Variants in ROBO2 observed in about 807,000 individuals in gnomAD.
ROBO2 encodes the protein roundabout guidance receptor 2, also known as roundabout homolog 2.
In ROBO2, 53 loss-of-function variants were observed where a neutral mutation model predicts 160.8. The ratio of observed to expected loss-of-function variants is 0.33; its 90% confidence interval spans 0.26 to 0.41. The LOEUF (loss-of-function observed/expected upper bound fraction) is 0.41, where lower values mean the gene tolerates loss of function less well. ROBO2 is among the 10% of genes least tolerant of loss of function. The probability of loss-of-function intolerance (pLI) is 1.00; values close to 1 mark genes in which losing one functional copy is unlikely to be tolerated. For synonymous variants in ROBO2, 664 were observed against 611.7 expected (o/e 1.09, Z -1.26); for missense variants, 1,577 against 1,722.4 (o/e 0.92, Z 1.49).
At chr3:76,573,523 AT>A (rs145929489) in intron 2 of ROBO2, among the ~76,000 whole-genome samples, 7,202 of 136,624 alleles carry the variant, frequency 0.053, 172 homozygotes, top group African/African-American at 0.072. Flanking sequence ...ATAGTTTTCA[AT>A]TTTTTTTTTT....
At chr3:76,861,189 T>C (rs570130026) in intron 2 of ROBO2, among the ~76,000 whole-genome samples, 26 of 152,264 alleles carry the variant, frequency 1.7e-4, no homozygotes, top group African/African-American at 6.0e-4. Context: ...CTTGAGGAAG[T>C]TGAGTATAAG....
chr3:76,213,665 A>G (rs946476547), intron 2 of ROBO2, among the ~76,000 whole-genome samples: 2 of 152,192 alleles, frequency 1.3e-5, no homozygotes, highest in Non-Finnish European at 2.9e-5. Flanking sequence ...AGCACATGGA[A>G]AAACAATGCA....
chr3:76,644,835 A>G (rs1232762506), intron 2 of ROBO2, among the ~76,000 whole-genome samples: 1 of 152,202 alleles, frequency 6.6e-6, no homozygotes, highest in Non-Finnish European at 1.5e-5. Flanking sequence ...AAAAGCTTAC[A>G]TTAATTGTAT....
intron 2 of ROBO2, among the ~76,000 whole-genome samples, chr3:76,086,746 A>C (rs1440278647): frequency 6.6e-6 from 1 of 152,188 alleles, no homozygotes; most frequent in Non-Finnish European, 1.5e-5. Context: ...TTAGACAAGA[A>C]ATTTTTTATT....
intron 4 of ROBO2, among the ~76,000 whole-genome samples, chr3:77,485,186 G>T (rs1256773689): frequency 6.6e-6 from 1 of 151,896 alleles, no homozygotes; most frequent in African/African-American, 2.4e-5. Flanking sequence ...TTTCAGAAGG[G>T]GTTCTCAACT....
intron 2 of ROBO2, among the ~76,000 whole-genome samples, chr3:76,177,764 C>T (rs2107070000): frequency 1.3e-5 from 2 of 152,206 alleles, no homozygotes; most frequent in East Asian, 3.9e-4. Context: ...TATTGTCGGA[C>T]ACTGACAGAG....
chr3:77,517,355 A>G (rs1196142931), intron 5 of ROBO2, among the ~76,000 whole-genome samples: 1 of 151,526 alleles, frequency 6.6e-6, no homozygotes, highest in African/African-American at 2.4e-5. Context: ...CTTACATTGA[A>G]CAAGTAGAAG....
At chr3:77,414,625 A>G (rs2077064411) in intron 2 of ROBO2, among the ~76,000 whole-genome samples, 1 of 152,214 alleles carries the variant, frequency 6.6e-6, no homozygotes, top group African/African-American at 2.4e-5. Context: ...AGTGACTGTA[A>G]TGTAGGCACA....
chr3:76,185,197 T>TAG (rs1701690470), intron 2 of ROBO2, among the ~76,000 whole-genome samples: 2 of 81,768 alleles, frequency 2.4e-5, no homozygotes, highest in African/African-American at 7.6e-5. Context: ...TAAACACAGA[T>TAG]ATATATATAT....
At chr3:76,811,856 TC>T (rs2065214081) in intron 2 of ROBO2, among the ~76,000 whole-genome samples, 5 of 138,992 alleles carry the variant, frequency 3.6e-5, no homozygotes, top group Non-Finnish European at 7.7e-5. Flanking sequence ...CTTCCTTCCT[TC>T]CTTCCTTCCT....
intron 2 of ROBO2, among the ~76,000 whole-genome samples, chr3:76,958,435 G>A (rs145618320): frequency 6.6e-6 from 1 of 152,332 alleles, no homozygotes; most frequent in African/African-American, 2.4e-5. Flanking sequence ...TGCACTGAAT[G>A]TACACATTTA....
At chr3:76,239,331 C>T (rs1274290913) in intron 2 of ROBO2, among the ~76,000 whole-genome samples, 1 of 148,770 alleles carries the variant, frequency 6.7e-6, no homozygotes, top group East Asian at 2.0e-4. Flanking sequence ...ATATAATATG[C>T]ATGTTTATGT....
In ROBO2 at chr3:77,180,313, A is replaced by G. The variant is rs181636244; in HGVS notation, c.388+81973A>G. Among the ~76,000 whole-genome samples the G allele has an allele frequency of 1.6e-4, 24 of 151,536 alleles. No individual in the cohort carries two copies. In the East Asian group the frequency reaches 2.5e-3, roughly 16 times the overall value. ...AAAAGTTTAACAACAACAAAAAATC[A>G]GTTTAGAACAAATGTTTTAACTGAT... On this transcript the variant is annotated intron_variant, in intron 2 of 25. Coordinates refer to ENST00000461745, the Ensembl canonical transcript of ROBO2.
chr3:77,481,810 T>C (rs1279091043), intron 4 of ROBO2, among the ~76,000 whole-genome samples: 1 of 152,120 alleles, frequency 6.6e-6, no homozygotes, highest in Non-Finnish European at 1.5e-5. Context: ...ATTAATAGGT[T>C]AAAAACTGAC....
chr3:76,899,963 T>A (rs1025390010), intron 2 of ROBO2, among the ~76,000 whole-genome samples: 13 of 152,148 alleles, frequency 8.5e-5, no homozygotes, highest in African/African-American at 2.9e-4. Context: ...ACACTGCTGA[T>A]AAAGACACAC....
At chr3:76,324,507 C>G (rs1015826553) in intron 2 of ROBO2, among the ~76,000 whole-genome samples, 1 of 152,148 alleles carries the variant, frequency 6.6e-6, no homozygotes, top group African/African-American at 2.4e-5. Flanking sequence ...TCTCATTTAA[C>G]AAGTTAGCAA....
chr3:76,386,735 A>G (rs1041382910), intron 2 of ROBO2, among the ~76,000 whole-genome samples: 1 of 152,088 alleles, frequency 6.6e-6, no homozygotes, highest in African/African-American at 2.4e-5. Context: ...GTTTATGATG[A>G]TTCTGTTAAT....
intron 2 of ROBO2, among the ~76,000 whole-genome samples, chr3:77,279,261 T>G (rs902782644): frequency 6.6e-6 from 1 of 152,148 alleles, no homozygotes. Flanking sequence ...ACCATAAATT[T>G]TTTTAACTCT....
chr3:77,451,248 T>G (rs1191055988), intron 2 of ROBO2, among the ~76,000 whole-genome samples: 1 of 152,158 alleles, frequency 6.6e-6, no homozygotes, highest in African/African-American at 2.4e-5. Context: ...TTCTATTTAA[T>G]TTGTTTGAAT....
Sources: allele counts gnomAD v4.1 joint callset (sites outside exome capture counted in the v4.1 genomes callset), GRCh38; gene constraint gnomAD v4.1.1; transcripts MANE v1.5; gene names NCBI Gene and HGNC (gene_info 2026-07-23, HGNC 2026-07-21).